ARHGAP24: variants seen among roughly 807,000 people sequenced by gnomAD.
ARHGAP24 encodes the protein rho GTPase-activating protein 24.
A neutral mutation model predicts 76.4 loss-of-function variants in ARHGAP24; 50 were observed. The ratio of observed to expected loss-of-function variants is 0.65; its 90% CI spans 0.52 to 0.83. The LOEUF (loss-of-function observed/expected upper bound fraction) is 0.83. Among genes scored for constraint, ARHGAP24 ranks in the 40% least tolerant of loss-of-function variants. ARHGAP24 has a pLI of 0.00. For missense variants in ARHGAP24, 930 were observed against 914.2 expected (o/e 1.02, Z -0.22); for synonymous variants, 345 against 323.3 (o/e 1.07, Z -0.72).
rs369446980 is a variant in ARHGAP24, at chr4:85,729,647, T to C, written c.268+7675T>C. On this transcript the variant is annotated intron_variant, in intron 3 of 9. Coordinates refer to ENST00000395184, the MANE Select transcript of ARHGAP24 (RefSeq NM_001025616.3). ...GGCCAGCAAACCTTTTCTGGAAAGA[T>C]CCAGGAGTAAATATTTTAGGATTTT... Among the ~76,000 whole-genome samples, 144 of 152,242 alleles carry C rather than the reference T, an allele frequency of 9.5e-4. 1 individual carries two copies. The highest frequency in any genetic ancestry group is 3.4e-3 in the African/African-American group (140 of 41,536).
intron 3 of ARHGAP24, among the ~76,000 whole-genome samples, chr4:85,897,354 T>C (rs1325934610): frequency 1.3e-5 from 2 of 152,250 alleles, no homozygotes; most frequent in African/African-American, 2.4e-5. Flanking sequence ...CACTTGTTTA[T>C]CTACTTTAAA....
intron 3 of ARHGAP24, among the ~76,000 whole-genome samples, chr4:85,769,552 A>G (rs950815622): frequency 1.2e-4 from 18 of 152,314 alleles, no homozygotes; most frequent in African/African-American, 4.3e-4. Context: ...ATACATATAT[A>G]TGGATAGATA....
At chr4:85,580,784 C>T (rs1727575344) in intron 2 of ARHGAP24, among the ~76,000 whole-genome samples, 2 of 152,098 alleles carry the variant, frequency 1.3e-5, no homozygotes, top group African/African-American at 4.8e-5. Context: ...AAGGGGAGGA[C>T]AGATAGTGGT....
intron 1 of ARHGAP24, among the ~76,000 whole-genome samples, chr4:85,487,376 T>C (rs1191058544): frequency 8.7e-6 from 1 of 114,594 alleles, no homozygotes; most frequent in East Asian, 2.3e-4. Context: ...TAAATATATA[T>C]TTATATATAT....
At chr4:85,564,833 G>T (rs1324904778) in intron 1 of ARHGAP24, among the ~76,000 whole-genome samples, 1 of 144,712 alleles carries the variant, frequency 6.9e-6, no homozygotes, top group Admixed American at 6.8e-5. Context: ...CTCACCTCCT[G>T]CTGTGTGGCC....
chr4:85,771,252 A>G (rs188714482), intron 3 of ARHGAP24, among the ~76,000 whole-genome samples: 1 of 152,362 alleles, frequency 6.6e-6, no homozygotes, highest in Admixed American at 6.5e-5. Context: ...CTGAAAGCCC[A>G]GGAAACCTAG....
At chr4:85,954,869 G>T (rs1355993211) in intron 5 of ARHGAP24, among the ~76,000 whole-genome samples, 2 of 152,178 alleles carry the variant, frequency 1.3e-5, no homozygotes, top group South Asian at 4.1e-4. Context: ...AATTAGCTGG[G>T]TGTGGTGGCG....
chr4:85,825,752 C>G (rs1181746157), intron 3 of ARHGAP24, among the ~76,000 whole-genome samples: 3 of 152,202 alleles, frequency 2.0e-5, no homozygotes, highest in South Asian at 2.1e-4. Flanking sequence ...TCTCTGGACT[C>G]TTTGTAAAAG....
At chr4:85,977,265 C>CT (rs1739397971) in intron 7 of ARHGAP24, among the ~76,000 whole-genome samples, 1 of 152,054 alleles carries the variant, frequency 6.6e-6, no homozygotes, top group African/African-American at 2.4e-5. Context: ...GAAGGGAATC[C>CT]ACATTGTTGA....
intron 1 of ARHGAP24, among the ~76,000 whole-genome samples, chr4:85,503,090 C>G (rs892603360): frequency 1.3e-5 from 2 of 152,172 alleles, no homozygotes; most frequent in Non-Finnish European, 2.9e-5. Flanking sequence ...AGTGGATAAG[C>G]TTTTTGATGT....
chr4:85,545,354 C>T (rs189025197), intron 1 of ARHGAP24, among the ~76,000 whole-genome samples: 112 of 152,288 alleles, frequency 7.4e-4, no homozygotes, highest in Non-Finnish European at 1.2e-3. Context: ...CCCACCTCAG[C>T]CCCCGAAAGT....
intron 2 of ARHGAP24, among the ~76,000 whole-genome samples, chr4:85,614,100 AATG>A (rs2109998315): frequency 6.6e-6 from 1 of 152,332 alleles, no homozygotes; most frequent in African/African-American, 2.4e-5. Flanking sequence ...ATTGGCAAAA[AATG>A]ATGATCAAAT....
At chr4:85,974,355 T>C (rs562644464) in intron 6 of ARHGAP24, among the ~76,000 whole-genome samples, 4 of 152,212 alleles carry the variant, frequency 2.6e-5, no homozygotes, top group Non-Finnish European at 5.9e-5. Flanking sequence ...GCATTTCTGC[T>C]ATCATTTACA....
chr4:85,621,846 A>C (rs1560556472), intron 2 of ARHGAP24, among the ~76,000 whole-genome samples: 1 of 152,108 alleles, frequency 6.6e-6, no homozygotes, highest in Non-Finnish European at 1.5e-5. Context: ...GCCTAGGCCA[A>C]TGTCCAAAAT....
chr4:85,979,102 C>A (rs1405162064), intron 8 of ARHGAP24, among the ~76,000 whole-genome samples: 2 of 152,118 alleles, frequency 1.3e-5, no homozygotes, highest in East Asian at 3.9e-4. Context: ...ATTAATATTT[C>A]TCTGCCCTCT....
intron 3 of ARHGAP24, among the ~76,000 whole-genome samples, chr4:85,901,040 A>C (rs1260991784): frequency 6.6e-6 from 1 of 152,218 alleles, no homozygotes; most frequent in Non-Finnish European, 1.5e-5. Flanking sequence ...GAAGTGATAC[A>C]TACATAACAT....
chr4:85,727,535 A>G (rs1187413482), intron 3 of ARHGAP24, among the ~76,000 whole-genome samples: 1 of 152,194 alleles, frequency 6.6e-6, no homozygotes, highest in Non-Finnish European at 1.5e-5. Context: ...TATTATGAAT[A>G]AAGGTAACAA....
intron 1 of ARHGAP24, among the ~76,000 whole-genome samples, chr4:85,547,442 ATT>A (rs60886114): frequency 2.7e-5 from 4 of 149,012 alleles, no homozygotes; most frequent in African/African-American, 9.8e-5. Flanking sequence ...TGGCAATGTA[ATT>A]TTTTTTTTTC....
chr4:85,514,252 G>T (rs1724399040), intron 1 of ARHGAP24, among the ~76,000 whole-genome samples: 1 of 152,080 alleles, frequency 6.6e-6, no homozygotes, highest in Admixed American at 6.5e-5. Flanking sequence ...TGTCCCAGCT[G>T]CCCAGAGCAG....
Sources: allele counts gnomAD v4.1 joint callset (sites outside exome capture counted in the v4.1 genomes callset), GRCh38; gene constraint gnomAD v4.1.1; transcripts MANE v1.5; gene names NCBI Gene and HGNC (gene_info 2026-07-23, HGNC 2026-07-21).